Variants in EXTL3 observed in about 807,000 individuals in gnomAD.
The protein encoded by EXTL3 is exostosin-like 3.
In EXTL3, 27 loss-of-function variants were observed where a neutral mutation model predicts 69.3. That is an observed-to-expected ratio of 0.39 (90% CI 0.29 to 0.54). The LOEUF (loss-of-function observed/expected upper bound fraction) is 0.54. Among genes scored for constraint, EXTL3 ranks in the 20% least tolerant of loss-of-function variants. The pLI is 0.69. For synonymous variants in EXTL3, 511 were observed against 499.4 expected (o/e 1.02, Z -0.31); for missense variants, 1,003 against 1,231.8 (o/e 0.81, Z 2.78).
intron 3 of EXTL3, among the ~76,000 whole-genome samples, chr8:28,724,823 T>C (rs1801376680): frequency 6.6e-6 from 1 of 152,012 alleles, no homozygotes; most frequent in African/African-American, 2.4e-5. Context: ...ATGATGATGA[T>C]GTAGTCCTCT....
intron 2 of EXTL3, among the ~76,000 whole-genome samples, chr8:28,611,982 C>A (rs887506663): frequency 3.3e-5 from 5 of 152,194 alleles, no homozygotes; most frequent in African/African-American, 1.2e-4. Flanking sequence ...GCTCTTTCTT[C>A]ACTGACGTGT....
chr8:28,687,867 G>T (rs1415489925), intron 1 of EXTL3, among the ~76,000 whole-genome samples: 6 of 152,274 alleles, frequency 3.9e-5, no homozygotes, highest in Middle Eastern at 3.4e-3. Context: ...AGTTCCAAAG[G>T]CCTGAAAGAT....
chr8:28,678,882 G>T (rs1200631520), intron 1 of EXTL3, among the ~76,000 whole-genome samples: 1 of 152,168 alleles, frequency 6.6e-6, no homozygotes, highest in Non-Finnish European at 1.5e-5. Context: ...AGGATGGGCT[G>T]CCCTCCTGCA....
chr8:28,665,316 C>G (rs1807179132), intron 1 of EXTL3, among the ~76,000 whole-genome samples: 1 of 151,800 alleles, frequency 6.6e-6, no homozygotes, highest in African/African-American at 2.4e-5. Context: ...CTCAGGTGAT[C>G]CACCCACCTA....
At chr8:28,699,310 T>A (rs1277118333), upstream of EXTL3, 2 of 152,422 alleles carry the variant, frequency 1.3e-5, no homozygotes. Flanking sequence ...TGGTTGAAAT[T>A]AGCAAGAAGA....
chr8:28,677,717 A>C (rs1807410358), intron 1 of EXTL3, among the ~76,000 whole-genome samples: 1 of 152,246 alleles, frequency 6.6e-6, no homozygotes, highest in Non-Finnish European at 1.5e-5. Context: ...AAGCATCAAA[A>C]ATCACTTTGT....
intron 1 of EXTL3, among the ~76,000 whole-genome samples, chr8:28,703,316 C>T (rs547954856): frequency 6.6e-6 from 1 of 152,282 alleles, no homozygotes; most frequent in Non-Finnish European, 1.5e-5. Context: ...GGGGAAAACC[C>T]TGTTAATACT....
At chr8:28,681,606 G>C (rs1476050390) in intron 1 of EXTL3, among the ~76,000 whole-genome samples, 1 of 152,190 alleles carries the variant, frequency 6.6e-6, no homozygotes, top group East Asian at 1.9e-4. Context: ...CAATGAACAA[G>C]AGAGTGCAGA....
chr8:28,659,546 G>A (rs1358565199), intron 1 of EXTL3, among the ~76,000 whole-genome samples: 1 of 152,158 alleles, frequency 6.6e-6, no homozygotes, highest in Non-Finnish European at 1.5e-5. Context: ...AATCCTGAGA[G>A]GAGAGCCCTT....
intron 1 of EXTL3, among the ~76,000 whole-genome samples, chr8:28,687,230 C>T (rs926352089): frequency 2.3e-4 from 35 of 152,338 alleles, no homozygotes; most frequent in Non-Finnish European, 3.2e-4. Flanking sequence ...CTTTGGGAGG[C>T]CAAGGTGGAT....
At chr8:28,707,173 A>G (rs1482595066) in intron 1 of EXTL3, among the ~76,000 whole-genome samples, 1 of 152,250 alleles carries the variant, frequency 6.6e-6, no homozygotes, top group Admixed American at 6.5e-5. Flanking sequence ...CAAAAGTAAT[A>G]CATAATGATT....
At chr8:28,692,199 C>G (rs1177969618) in intron 1 of EXTL3, among the ~76,000 whole-genome samples, 1 of 152,146 alleles carries the variant, frequency 6.6e-6, no homozygotes, top group African/African-American at 2.4e-5. Flanking sequence ...CTAACACTGT[C>G]CATTAGAGAT....
At chr8:28,668,865 C>CTCTTTTTTTTT (rs1193812924) in intron 1 of EXTL3, among the ~76,000 whole-genome samples, 2 of 94,476 alleles carry the variant, frequency 2.1e-5, no homozygotes, top group African/African-American at 9.2e-5. Context: ...GATAGAATCT[C>CTCTTTTTTTTT]TTTTTTTTTT....
At chr8:28,688,882 G>A (rs191295141) in intron 1 of EXTL3, among the ~76,000 whole-genome samples, 20 of 152,292 alleles carry the variant, frequency 1.3e-4, no homozygotes, top group Admixed American at 5.2e-4. Context: ...GTCAAGGGCC[G>A]GAAGAGATGA....
intron 1 of EXTL3, among the ~76,000 whole-genome samples, chr8:28,638,997 G>A (rs912315339): frequency 1.5e-4 from 23 of 150,078 alleles, no homozygotes; most frequent in African/African-American, 5.7e-4. Context: ...CAGTGCAATG[G>A]TGTGTTCTTG....
chr8:28,746,248 A>G (rs1447505047), intron 6 of EXTL3, among the ~76,000 whole-genome samples: 1 of 152,192 alleles, frequency 6.6e-6, no homozygotes, highest in African/African-American at 2.4e-5. Context: ...TGACTAACGA[A>G]TGGGGAGTTA....
intron 3 of EXTL3, among the ~76,000 whole-genome samples, chr8:28,724,615 A>AG (rs1563218421): frequency 7.2e-6 from 1 of 138,438 alleles, no homozygotes; most frequent in East Asian, 2.1e-4. Flanking sequence ...TAAAAAAAAA[A>AG]AAAGAAGAAG....
At chr8:28,611,918 C>T (rs915769773) in intron 2 of EXTL3, among the ~76,000 whole-genome samples, 4 of 152,164 alleles carry the variant, frequency 2.6e-5, no homozygotes, top group African/African-American at 9.6e-5. Flanking sequence ...ATTGGGGCTC[C>T]CTGCAAGAGG....
chr8:28,674,927 A>G (rs1807355105), intron 1 of EXTL3, among the ~76,000 whole-genome samples: 1 of 152,176 alleles, frequency 6.6e-6, no homozygotes, highest in Non-Finnish European at 1.5e-5. Flanking sequence ...GTGCTGAGCA[A>G]CACAATGTTG....
Sources: gnomAD v4.1 joint callset for allele counts (sites outside exome capture counted in the v4.1 genomes callset) on GRCh38, gnomAD v4.1.1 for gene constraint, MANE v1.5 for transcripts, NCBI Gene and HGNC (gene_info 2026-07-23, HGNC 2026-07-21) for gene names.